The following HARBI1 variants were observed in gnomAD, a reference collection of about 807,000 sequenced individuals.
The protein encoded by HARBI1 is harbinger transposase derived 1, also known as putative nuclease HARBI1.
A neutral mutation model predicts 25.3 loss-of-function variants in HARBI1; 15 were observed. The observed-to-expected ratio is 0.59, with a 90% CI of 0.40 to 0.91. HARBI1 has a LOEUF of 0.91. Among genes scored for constraint, HARBI1 ranks in the 40% least tolerant of loss-of-function variants. The pLI is 0.00. For synonymous variants in HARBI1, 168 were observed against 160.5 expected, an observed-to-expected ratio of 1.05 and a Z score of -0.35; for missense variants, 396 against 445.8, an observed-to-expected ratio of 0.89 and a Z score of 1.01.
intron 2 of HARBI1, among the ~76,000 whole-genome samples, chr11:46,610,724 C>A (rs1443496343): frequency 6.6e-6 from 1 of 152,134 alleles, no homozygotes; most frequent in Non-Finnish European, 1.5e-5. Flanking sequence ...CCCACTCCTA[C>A]TCTTTCTGTA....
At chr11:46,616,831 CAAAAAAAAAAAAA>C (rs749013239) in intron 1 of HARBI1, 8,156 of 603,408 alleles carry the variant, frequency 0.014, 12 homozygotes, top group South Asian at 0.021. Context: ...AAAGAAGGGG[CAAAAAAAAAAAAA>C]AAAAAAAAAA....
At chr11:46,604,858 A>T (rs1038640779) in intron 2 of HARBI1, among the ~76,000 whole-genome samples, 1 of 152,232 alleles carries the variant, frequency 6.6e-6, no homozygotes, top group Non-Finnish European at 1.5e-5. Context: ...TGAATTCAGA[A>T]GTCAATTAAA....
chr11:46,612,505 G>C (rs2045221709), intron 2 of HARBI1, among the ~76,000 whole-genome samples: 1 of 152,022 alleles, frequency 6.6e-6, no homozygotes, highest in Admixed American at 6.6e-5. Context: ...TCACACTGCT[G>C]AATGTTGAAT....
chr11:46,602,879 T>C lies in HARBI1; in HGVS notation c.*651A>G, dbSNP rs987578208. 14 of 148,672 alleles carry C rather than the reference T, an allele frequency of 9.4e-5. No individual in the cohort carries two copies. Among genetic ancestry groups the C allele is most frequent in the East Asian group, 5.9e-4 (3 of 5,106 alleles). 9.2% of individuals were successfully genotyped at this position (148,672 alleles called of 1,614,324 possible). A position where few individuals can be genotyped will look rare whatever the true frequency, so the allele number is the denominator to read the frequency against. ...TTTTTTTGAGACGGAGTTTCGCTCT[T>C]CTTGCCTAGGCTGGAGTGCAATGGC... On this transcript the variant is annotated 3_prime_UTR_variant, in exon 3 of 3. Transcript: ENST00000326737.
chr11:46,613,900 G>A (rs1200527784), intron 2 of HARBI1, among the ~76,000 whole-genome samples: 1 of 151,840 alleles, frequency 6.6e-6, no homozygotes, highest in East Asian at 1.9e-4. Context: ...CGAGCTCCTG[G>A]ATTCAAGTGA....
chr11:46,612,021 C>T (rs2045201458), intron 2 of HARBI1, among the ~76,000 whole-genome samples: 2 of 152,286 alleles, frequency 1.3e-5, no homozygotes, highest in South Asian at 4.2e-4. Flanking sequence ...CAGCTCTACA[C>T]CCATCAGTGT....
intron 2 of HARBI1, among the ~76,000 whole-genome samples, chr11:46,608,285 C>T (rs780473940): frequency 5.3e-5 from 8 of 151,862 alleles, no homozygotes; most frequent in African/African-American, 1.7e-4. Flanking sequence ...GCAACAAGAG[C>T]GAAACTCCAT....
At chr11:46,616,858 A>AAC in intron 1 of HARBI1, 4 of 961,682 alleles carry the variant, frequency 4.2e-6, no homozygotes, top group Non-Finnish European at 4.9e-6. Context: ...AAAAAAAAAA[A>AAC]AAAACAACCA....
Position 46,603,926 on chromosome 11 carries a change from A to G in HARBI1, c.671-17T>C, listed in dbSNP as rs761959032. 3.2e-6 allele frequency: 5 copies of G among 1,587,252 alleles called. No individual in the cohort carries two copies. The highest frequency in any genetic ancestry group is 4.3e-6 in the Non-Finnish European group (5 of 1,167,364). ...AACTGTCACCTGTGGGGAAGGCCCA[A>G]ATAAATCATAAATGACTATAAGTGG... On this transcript the variant is annotated splice_polypyrimidine_tract_variant and intron_variant, in intron 2 of 2. Transcript: ENST00000326737.
intron 2 of HARBI1, among the ~76,000 whole-genome samples, chr11:46,605,587 C>CTTTTTTTTT (rs11333482): frequency 1.1e-5 from 1 of 90,214 alleles, no homozygotes; most frequent in African/African-American, 3.7e-5. Context: ...CAGGTATAAC[C>CTTTTTTTTT]TTTTTTTTTT....
intron 2 of HARBI1, among the ~76,000 whole-genome samples, chr11:46,613,666 A>T (rs554930027): frequency 6.5e-4 from 99 of 152,012 alleles, no homozygotes; most frequent in African/African-American, 2.3e-3. Context: ...TATTTTCAGT[A>T]GAGGCGGGGT....
rs1292630562 is a variant in HARBI1, at chr11:46,603,514, C to G, written c.*16G>C. On this transcript the variant is annotated 3_prime_UTR_variant, in exon 3 of 3. Coordinates refer to ENST00000326737, the MANE Select transcript of HARBI1 (RefSeq NM_173811.4). The stretch of plus-strand genomic sequence containing the variant: ...TCACAACTCCTGGGAAGTATCCCTC[C>G]TCTCCACCTTCTACATTAGCTAAAA... 2 of 1,560,168 alleles carry G rather than the reference C, an allele frequency of 1.3e-6. No homozygotes were observed. The highest frequency in any genetic ancestry group is 1.7e-6 in the Non-Finnish European group (2 of 1,150,336).
chr11:46,605,877 G>A (rs1025730294), intron 2 of HARBI1, among the ~76,000 whole-genome samples: 46 of 149,554 alleles, frequency 3.1e-4, no homozygotes, highest in African/African-American at 9.9e-4. Context: ...ATGAGCCACC[G>A]CACCCAGTTT....
chr11:46,611,153 G>C (rs1301989867), intron 2 of HARBI1, among the ~76,000 whole-genome samples: 1 of 151,558 alleles, frequency 6.6e-6, no homozygotes, highest in Non-Finnish European at 1.5e-5. Context: ...GACTACAGGC[G>C]CCTGCCACCA....
At chr11:46,616,850 A>AAC in intron 1 of HARBI1, 2 of 981,642 alleles carry the variant, frequency 2.0e-6, no homozygotes, top group African/African-American at 3.5e-5. Flanking sequence ...AAAAAAAAAA[A>AAC]AAAAAAAAAA....
At chr11:46,609,336 A>T (rs113366225) in intron 2 of HARBI1, among the ~76,000 whole-genome samples, 1,826 of 150,860 alleles carry the variant, frequency 0.012, 43 homozygotes, top group African/African-American at 0.043. Flanking sequence ...CTGGGATCAC[A>T]GGCGTGAGCC....
upstream of HARBI1, chr11:46,617,565 A>C: frequency 8.6e-6 from 1 of 115,842 alleles, no homozygotes; most frequent in Non-Finnish European, 1.6e-5. Flanking sequence ...CCATTACCGA[A>C]GCGGATGAAA....
In HARBI1 at chr11:46,603,424, G is replaced by C; in HGVS notation, c.*106C>G. On this transcript the variant is annotated 3_prime_UTR_variant, in exon 3 of 3. Coordinates refer to ENST00000326737, the MANE Select transcript of HARBI1 (RefSeq NM_173811.4). ...CATATTAAATGTCAGTTTATGACAA[G>C]TATCTGTATACTCAGTCATGCTAGA... The C allele has an allele frequency of 1.0e-6, 1 of 991,590 alleles. No homozygotes were observed. Among genetic ancestry groups the C allele is most frequent in the Non-Finnish European group, 1.5e-6 (1 of 662,796 alleles). 61.4% of individuals were successfully genotyped at this position (991,590 alleles called of 1,614,324 possible).
At position 46,617,190 on chromosome 11, in the gene HARBI1, G is replaced by T; in HGVS notation, c.-211C>A. ...CCCAGCCGGGTTGGGCCCTCCTCCG[G>T]AACCGGCGACTGCACAGAGGCCGCC... On this transcript the variant is annotated 5_prime_UTR_variant, in exon 1 of 3. Transcript: ENST00000326737. The T allele has an allele frequency of 5.4e-6, 1 of 185,446 alleles. No homozygotes were observed. The highest frequency in any genetic ancestry group is 1.0e-5 in the Non-Finnish European group (1 of 98,394). The allele number at this position is 185,446 out of a possible 1,614,324, so 11.5% of individuals were successfully genotyped here.
Sources: allele counts gnomAD v4.1 joint callset (sites outside exome capture counted in the v4.1 genomes callset), GRCh38; gene constraint gnomAD v4.1.1; transcripts MANE v1.5; gene names NCBI Gene and HGNC (gene_info 2026-07-23, HGNC 2026-07-21).